The following KLHL1 variants were observed in gnomAD, a reference collection of about 807,000 sequenced individuals.
The protein encoded by KLHL1 is kelch like family member 1, also known as kelch-like protein 1.
Under a neutral mutation model 77.7 loss-of-function variants are expected in KLHL1, and 47 were observed. That is an observed-to-expected ratio of 0.60 (90% CI 0.48 to 0.77). KLHL1 has a LOEUF of 0.77. Among genes scored for constraint, KLHL1 ranks in the 30% least tolerant of loss-of-function variants. KLHL1 has a pLI of 0.00. For missense variants in KLHL1, 925 were observed against 910.8 expected (o/e 1.02, Z -0.20); for synonymous variants, 360 against 325.2 (o/e 1.11, Z -1.15).
intron 6 of KLHL1, among the ~76,000 whole-genome samples, chr13:69,837,807 T>C (rs917437425): frequency 6.6e-6 from 1 of 151,004 alleles, no homozygotes; most frequent in African/African-American, 2.4e-5. Context: ...TTTAAAGAAG[T>C]TTCTAAGGCT....
chr13:69,784,674 G>A lies in KLHL1; in HGVS notation c.1639+12064C>T, dbSNP rs1876416136. On this transcript the variant is annotated intron_variant, in intron 7 of 10. Coordinates refer to ENST00000377844, the MANE Select transcript of KLHL1 (RefSeq NM_020866.3). ...TATGCACCCAATACAGGAGCACCCA[G>A]ATTCATAAAGCAAGTCCTTAGTGAC... Among the ~76,000 whole-genome samples, 2 of 151,390 alleles carry A rather than the reference G, an allele frequency of 1.3e-5. 1 individual carries two copies. Among genetic ancestry groups the A allele is most frequent in the South Asian group, 4.2e-4 (2 of 4,776 alleles).
At chr13:69,935,331 G>A (rs899686278) in intron 4 of KLHL1, among the ~76,000 whole-genome samples, 10 of 122,594 alleles carry the variant, frequency 8.2e-5, no homozygotes, top group South Asian at 2.5e-4. Context: ...GTAATTAATC[G>A]TATATATGGA....
chr13:70,033,929 G>A (rs756645462), intron 1 of KLHL1, among the ~76,000 whole-genome samples: 2 of 151,956 alleles, frequency 1.3e-5, no homozygotes, highest in African/African-American at 2.4e-5. Flanking sequence ...ATTATTGATC[G>A]ATGAAAATCC....
At chr13:69,821,874 G>T (rs953305072) in intron 6 of KLHL1, among the ~76,000 whole-genome samples, 8 of 152,018 alleles carry the variant, frequency 5.3e-5, no homozygotes, top group Non-Finnish European at 1.0e-4. Flanking sequence ...AACCATGGCA[G>T]GGATTTTTAT....
At chr13:70,096,693 T>A (rs1271704019) in intron 1 of KLHL1, among the ~76,000 whole-genome samples, 1 of 151,790 alleles carries the variant, frequency 6.6e-6, no homozygotes, top group African/African-American at 2.4e-5. Flanking sequence ...TTCAAAAATA[T>A]CATGTCATTT....
intron 6 of KLHL1, among the ~76,000 whole-genome samples, chr13:69,811,396 T>TA (rs375756052): frequency 0.016 from 2,283 of 141,172 alleles, 17 homozygotes; most frequent in Non-Finnish European, 0.024. Flanking sequence ...ACGTAATAGA[T>TA]AAAAAAAAAA....
intron 8 of KLHL1, among the ~76,000 whole-genome samples, chr13:69,729,790 G>GAGCC (rs1873461422): frequency 1.3e-5 from 2 of 152,100 alleles, no homozygotes; most frequent in African/African-American, 4.8e-5. Context: ...GTAAAAAATG[G>GAGCC]AGCCATTCAA....
At chr13:69,884,561 C>T (rs957538901) in intron 4 of KLHL1, among the ~76,000 whole-genome samples, 6 of 152,008 alleles carry the variant, frequency 3.9e-5, no homozygotes, top group African/African-American at 1.4e-4. Context: ...TATAGCTAGG[C>T]CATCAAAATA....
chr13:69,843,899 C>T (rs757426849), intron 5 of KLHL1, among the ~76,000 whole-genome samples: 89 of 151,536 alleles, frequency 5.9e-4, no homozygotes, highest in Admixed American at 2.0e-4. Flanking sequence ...TGGTGTGCTG[C>T]ACCCATTAAC....
chr13:70,049,948 GA>G (rs1229025121), intron 1 of KLHL1, among the ~76,000 whole-genome samples: 1 of 150,208 alleles, frequency 6.7e-6, no homozygotes, highest in Non-Finnish European at 1.5e-5. Context: ...TAAACTAGGA[GA>G]AAAAAATGAA....
chr13:69,824,766 G>A (rs920309321), intron 6 of KLHL1, among the ~76,000 whole-genome samples: 8 of 152,076 alleles, frequency 5.3e-5, no homozygotes, highest in Non-Finnish European at 1.2e-4. Context: ...GAAATTGACT[G>A]GGAAGGAATA....
At chr13:70,034,709 C>A (rs1041651109) in intron 1 of KLHL1, among the ~76,000 whole-genome samples, 1 of 152,070 alleles carries the variant, frequency 6.6e-6, no homozygotes, top group Non-Finnish European at 1.5e-5. Context: ...GAGGGAAAGT[C>A]GCAATCATTT....
chr13:70,093,277 T>A (rs1017416195), intron 1 of KLHL1, among the ~76,000 whole-genome samples: 11 of 151,878 alleles, frequency 7.2e-5, no homozygotes, highest in Admixed American at 7.2e-4. Flanking sequence ...CATAGTGGAG[T>A]GGACTTTGTC....
At chr13:69,815,562 G>A (rs182525369) in intron 6 of KLHL1, among the ~76,000 whole-genome samples, 5 of 152,130 alleles carry the variant, frequency 3.3e-5, no homozygotes, top group African/African-American at 1.2e-4. Flanking sequence ...AAACTGGGGA[G>A]GGAGGAAAGT....
At chr13:69,935,508 T>C (rs1309435236) in intron 4 of KLHL1, among the ~76,000 whole-genome samples, 2 of 152,002 alleles carry the variant, frequency 1.3e-5, no homozygotes, top group African/African-American at 2.4e-5. Flanking sequence ...TGTAAGAGAA[T>C]AGAGAGTTTT....
At chr13:70,062,837 A>G (rs1202151064) in intron 1 of KLHL1, among the ~76,000 whole-genome samples, 2 of 152,212 alleles carry the variant, frequency 1.3e-5, no homozygotes, top group Admixed American at 6.5e-5. Flanking sequence ...TTATATGAAC[A>G]TAGTTAACAT....
At chr13:69,798,238 C>A (rs746293903) in intron 6 of KLHL1, among the ~76,000 whole-genome samples, 1 of 152,152 alleles carries the variant, frequency 6.6e-6, no homozygotes, top group Non-Finnish European at 1.5e-5. Flanking sequence ...CACTTAAGCA[C>A]TGATGATCTA....
intron 7 of KLHL1, among the ~76,000 whole-genome samples, chr13:69,780,295 A>G (rs932274228): frequency 6.6e-6 from 1 of 152,032 alleles, no homozygotes; most frequent in Admixed American, 6.6e-5. Flanking sequence ...AAAATGTTTG[A>G]TACCTTGTAT....
intron 8 of KLHL1, among the ~76,000 whole-genome samples, chr13:69,727,731 C>A (rs1351435747): frequency 6.6e-6 from 1 of 152,090 alleles, no homozygotes; most frequent in Non-Finnish European, 1.5e-5. Context: ...TGGCATATAT[C>A]TTAGCCAGTC....
Sources: allele counts gnomAD v4.1 joint callset (sites outside exome capture counted in the v4.1 genomes callset), GRCh38; gene constraint gnomAD v4.1.1; transcripts MANE v1.5; gene names NCBI Gene and HGNC (gene_info 2026-07-23, HGNC 2026-07-21).